Variants in LOC101059915 observed in about 807,000 individuals in gnomAD.
At chrX:71,667,683 T>G in the LOC101059915 span, 1 of 768,093 alleles carries the variant, frequency 1.3e-6, no homozygotes, top group East Asian at 4.3e-5. Context: ...ATCAATTCGC[T>G]CTCAGGCTCA....
chrX:71,667,950 C>CAAGGGT, the LOC101059915 span: 7 of 1,155,899 alleles, frequency 6.1e-6, no homozygotes, highest in Middle Eastern at 3.3e-4. Context: ...AGCGCAGTGG[C>CAAGGGT]AAGGGTAAGG....
chrX:71,668,098 G>A, the LOC101059915 span: 1 of 1,146,873 alleles, frequency 8.7e-7, no homozygotes, highest in African/African-American at 1.8e-5. Flanking sequence ...AGCGGGTGGT[G>A]GGGACTACTC....
chrX:71,671,142 G>A, the LOC101059915 span: 1 of 1,161,900 alleles, frequency 8.6e-7, no homozygotes, highest in Non-Finnish European at 1.1e-6. Flanking sequence ...TTTTCCCCAC[G>A]GGGGCAGGGC....
the LOC101059915 span, chrX:71,667,755 C>A: frequency 2.7e-5 from 27 of 1,007,959 alleles, no homozygotes; most frequent in Non-Finnish European, 3.4e-5. Flanking sequence ...CCCACTGTTA[C>A]CAGGACGACT....
At chrX:71,668,704 A>C in the LOC101059915 span, 2 of 1,076,789 alleles carry the variant, frequency 1.9e-6, no homozygotes, top group Non-Finnish European at 2.4e-6. Flanking sequence ...GAGGGGGGTC[A>C]GGCCCAGCTG....
chrX:71,668,193 A>G, the LOC101059915 span: 3 of 1,124,810 alleles, frequency 2.7e-6, no homozygotes, highest in Non-Finnish European at 3.5e-6. Context: ...CCACTGCCAA[A>G]GGGTCCACTG....
the LOC101059915 span, chrX:71,668,258 G>A: frequency 1.8e-6 from 2 of 1,130,861 alleles, no homozygotes; most frequent in Admixed American, 2.9e-5. Context: ...CTGAGCCCCA[G>A]CCCTGGAGAA....
At chrX:71,670,551 G>A in the LOC101059915 span, 13 of 1,085,572 alleles carry the variant, frequency 1.2e-5, no homozygotes, top group African/African-American at 1.9e-5. Flanking sequence ...CAGGGAGAAC[G>A]GGGAGAAAGG....
chrX:71,669,268 C>G, the LOC101059915 span, among the ~76,000 whole-genome samples: 1 of 111,907 alleles, frequency 8.9e-6, no homozygotes, highest in Non-Finnish European at 1.9e-5. Flanking sequence ...TGTGCCAGGC[C>G]TGGCTCTGGA....
the LOC101059915 span, chrX:71,668,247 G>A: frequency 1.1e-5 from 12 of 1,124,286 alleles, no homozygotes; most frequent in Admixed American, 2.7e-4. Flanking sequence ...GGAGAGGTGC[G>A]CTGAGCCCCA....
At chrX:71,670,472 T>A in the LOC101059915 span, 1 of 1,092,506 alleles carries the variant, frequency 9.2e-7, no homozygotes, top group Non-Finnish European at 1.2e-6. Context: ...TCCTTTCCAT[T>A]GAGGGTTTTG....
chrX:71,671,283 T>A, the LOC101059915 span: 1 of 1,151,667 alleles, frequency 8.7e-7, no homozygotes, highest in Non-Finnish European at 1.2e-6. Flanking sequence ...CTTTCCACAG[T>A]CCCAGTAGCT....
the LOC101059915 span, chrX:71,667,974 C>G: frequency 8.6e-7 from 1 of 1,163,575 alleles, no homozygotes; most frequent in Non-Finnish European, 1.1e-6. Context: ...AGGGCGAGAG[C>G]GGGTTCACAG....
At chrX:71,670,851 C>T in the LOC101059915 span, 1 of 752,458 alleles carries the variant, frequency 1.3e-6, no homozygotes, top group Admixed American at 8.8e-5. Context: ...AATGTGTCGT[C>T]TGAACTCCGT....
chrX:71,668,700 G>A, the LOC101059915 span: 1 of 1,077,072 alleles, frequency 9.3e-7, no homozygotes, highest in Non-Finnish European at 1.2e-6. Flanking sequence ...GAAAGAGGGG[G>A]GTCAGGCCCA....
the LOC101059915 span, chrX:71,668,394 G>C: frequency 1.7e-6 from 2 of 1,153,127 alleles, no homozygotes; most frequent in African/African-American, 1.8e-5. Context: ...AGCCCTCCGC[G>C]GAAGGCCCCG....
the LOC101059915 span, chrX:71,670,663 A>G: frequency 9.0e-7 from 1 of 1,116,465 alleles, no homozygotes; most frequent in South Asian, 2.3e-5. Context: ...ACTAGGTATG[A>G]TGGAGCACTG....
At chrX:71,669,239 T>C in the LOC101059915 span, among the ~76,000 whole-genome samples, 2 of 111,569 alleles carry the variant, frequency 1.8e-5, no homozygotes, top group Non-Finnish European at 3.8e-5. Context: ...GGAGCACACA[T>C]TAAAGGGAGC....
At chrX:71,667,994 G>A in the LOC101059915 span, 31 of 1,164,783 alleles carry the variant, frequency 2.7e-5, no homozygotes, top group African/African-American at 5.2e-4. Context: ...GATCCCGAGA[G>A]CTTCAGCTTC....
Sources: gnomAD v4.1 joint callset for allele counts (sites outside exome capture counted in the v4.1 genomes callset) on GRCh38, gnomAD v4.1.1 for gene constraint, MANE v1.5 for transcripts.